C2CD2: variants seen among roughly 807,000 people sequenced by gnomAD.
C2CD2 encodes C2 calcium dependent domain containing 2.
Under a neutral mutation model 74.3 loss-of-function variants are expected in C2CD2, and 43 were observed. That is an observed-to-expected ratio of 0.58 (90% CI 0.45 to 0.75). The LOEUF (loss-of-function observed/expected upper bound fraction) is 0.75. C2CD2 is among the 30% of genes least tolerant of loss of function. C2CD2 has a pLI of 0.00. For synonymous variants in C2CD2, 422 were observed against 390.7 expected (o/e 1.08, Z -0.94); for missense variants, 801 against 916.3 (o/e 0.87, Z 1.63).
rs570125503 is a variant in C2CD2 at position 41,951,686 on chromosome 21, T to G, written c.279+1684A>C. Among the ~76,000 whole-genome samples, 11 of 152,358 alleles carry G rather than the reference T, an allele frequency of 7.2e-5. No individual in the cohort carries two copies. In the South Asian group the frequency reaches 2.1e-3, roughly 29 times the overall value. On this transcript the variant is annotated intron_variant, in intron 1 of 13. Transcript: ENST00000380486. ...AATATTTCTTTCAGTGTTCTCAGAT[T>G]GACTTGACCAGCCTAAGACAGATGC...
rs1382750059 is a variant in C2CD2, at chr21:41,924,376, A to G, written c.379-2291T>C. ...ACCTCAATGCCACAGAGCTAGAAAAAGAAAATCCTGCCTTCTCTCAATATT... is the reference window on the plus strand; with the variant it reads ...ACCTCAATGCCACAGAGCTAGAAAAGGAAAATCCTGCCTTCTCTCAATATT... On this transcript the variant is annotated intron_variant, in intron 2 of 13. Coordinates refer to ENST00000380486, the MANE Select transcript of C2CD2 (RefSeq NM_015500.2). This position sits in a 1 kb window ranked among gnomAD's most constrained non-coding sequence, Gnocchi z 4.4. Among the ~76,000 whole-genome samples the G allele has an allele frequency of 6.6e-6, 1 of 152,244 alleles. No individual in the cohort carries two copies. The highest frequency in any genetic ancestry group is 1.9e-4 in the East Asian group (1 of 5,196).
chr21:41,935,851 A>C (rs1366594101), intron 2 of C2CD2, among the ~76,000 whole-genome samples: 1 of 152,160 alleles, frequency 6.6e-6, no homozygotes, highest in Non-Finnish European at 1.5e-5. Context: ...CTCAAAAAAA[A>C]AGTCCTGACA....
intron 1 of C2CD2, among the ~76,000 whole-genome samples, chr21:41,947,139 T>TCTCTCTCTCTCTCTCTCTCTCA (rs1365076208): frequency 8.2e-6 from 1 of 122,286 alleles, no homozygotes; most frequent in Non-Finnish European, 1.7e-5. Context: ...TCTCTCTCTC[T>TCTCTCTCTCTCTCTCTCTCTCA]CCCTCCCTCC....
chr21:41,946,476 C>T lies in C2CD2; in HGVS notation c.280-4231G>A, dbSNP rs73221452. 4.6e-5 allele frequency among the ~76,000 whole-genome samples: 7 copies of T among 152,098 alleles called. No individual in the cohort carries two copies. In the East Asian group the frequency reaches 5.8e-4, roughly 13 times the overall value. On this transcript the variant is annotated intron_variant, in intron 1 of 13. Transcript: ENST00000380486. ...TTGTTTAAAAGTGTGTAGCACCTCCCGCCTCTTTCTCCCCCTCCTGCTCTG... is the reference window on the plus strand; with the variant it reads ...TTGTTTAAAAGTGTGTAGCACCTCCTGCCTCTTTCTCCCCCTCCTGCTCTG...
rs1217334510 is a variant in C2CD2 at position 41,903,613 on chromosome 21, G to A, written c.1433-1864C>T. Among the ~76,000 whole-genome samples the A allele has an allele frequency of 6.6e-6, 1 of 152,168 alleles. No homozygotes were observed. Among genetic ancestry groups the A allele is most frequent in the Non-Finnish European group, 1.5e-5 (1 of 68,012 alleles). ...GAGAGAAGTGCTGGAGAAAGGAGTT[G>A]GGGAGGACTCCTTAGGAGAAAGCTG... On this transcript the variant is annotated intron_variant, in intron 11 of 13. Coordinates refer to ENST00000380486, the MANE Select transcript of C2CD2 (RefSeq NM_015500.2). This position sits in a 1 kb window ranked among gnomAD's most constrained non-coding sequence, Gnocchi z 4.5.
intron 1 of C2CD2, among the ~76,000 whole-genome samples, chr21:41,949,155 C>T (rs1481731840): frequency 6.6e-6 from 1 of 152,002 alleles, no homozygotes; most frequent in Non-Finnish European, 1.5e-5. Context: ...GGGCAGCCCA[C>T]GGGCAGCGGC....
In C2CD2 at chr21:41,939,097, A is replaced by T. The variant is rs1246648830; in HGVS notation, c.378+3050T>A. Among the ~76,000 whole-genome samples, 1 of 152,118 alleles carries T rather than the reference A, an allele frequency of 6.6e-6. No homozygotes were observed. Among genetic ancestry groups the T allele is most frequent in the Non-Finnish European group, 1.5e-5 (1 of 68,020 alleles). Reference sequence around the variant, plus strand: ...CTATTCCACCGCGTGGACGAGCCACAGTTTATTGATCTATTCGCCCATCAG... The same window carrying T: ...CTATTCCACCGCGTGGACGAGCCACTGTTTATTGATCTATTCGCCCATCAG... On this transcript the variant is annotated intron_variant, in intron 2 of 13. Coordinates refer to ENST00000380486, the MANE Select transcript of C2CD2 (RefSeq NM_015500.2). The surrounding 1 kb of genome is among the most constrained non-coding windows in gnomAD (Gnocchi z 5.5).
rs2065207780 is a variant in C2CD2, at chr21:41,926,054, G to C, written c.379-3969C>G. Among the ~76,000 whole-genome samples the C allele has an allele frequency of 6.6e-6, 1 of 152,160 alleles. No homozygotes were observed. Among genetic ancestry groups the C allele is most frequent in the Non-Finnish European group, 1.5e-5 (1 of 68,036 alleles). On this transcript the variant is annotated intron_variant, in intron 2 of 13. Transcript: ENST00000380486. The surrounding 1 kb of genome is among the most constrained non-coding windows in gnomAD (Gnocchi z 8.0). ...ATACAGGATTTTAAAAAGTTAAATA[G>C]AAGCAATTATTTGGCATAGGCGGCA... is the stretch of plus-strand genomic sequence containing the variant.
chr21:41,917,482 C>T (rs2065105658), intron 5 of C2CD2, among the ~76,000 whole-genome samples: 1 of 152,172 alleles, frequency 6.6e-6, no homozygotes, highest in Middle Eastern at 3.2e-3. Flanking sequence ...GAGAACTCAC[C>T]TTAAACAAAG....
intron 2 of C2CD2, among the ~76,000 whole-genome samples, chr21:41,940,123 A>T (rs1478673416): frequency 6.6e-6 from 1 of 152,244 alleles, no homozygotes; most frequent in Non-Finnish European, 1.5e-5. Flanking sequence ...ATCCAAAAAA[A>T]GATCTGATAC....
chr21:41,936,858 T>G (rs1452635586), intron 2 of C2CD2, among the ~76,000 whole-genome samples: 2 of 144,402 alleles, frequency 1.4e-5, no homozygotes, highest in Non-Finnish European at 3.0e-5. Flanking sequence ...CTTGCTCTGT[T>G]GCCAGGCTGG....
rs1003391549 is a variant in C2CD2 at position 41,899,754 on chromosome 21, T to A, written c.1561-392A>T. ...GCCGTGGGTGTTTCGGGTTTAGCTG[T>A]CTTTGTTCCTACACGTTTATGTTAC... On this transcript the variant is annotated intron_variant, in intron 12 of 13. Transcript: ENST00000380486. This position sits in a 1 kb window ranked among gnomAD's most constrained non-coding sequence, Gnocchi z 4.4. 1.3e-5 allele frequency among the ~76,000 whole-genome samples: 2 copies of A among 152,268 alleles called. No homozygotes were observed. Among genetic ancestry groups the A allele is most frequent in the East Asian group, 1.9e-4 (1 of 5,180 alleles).
At position 41,903,664 on chromosome 21, in the gene C2CD2, G is replaced by A. The variant is rs1349079204; in HGVS notation, c.1433-1915C>T. On this transcript the variant is annotated intron_variant, in intron 11 of 13. Transcript: ENST00000380486. The surrounding 1 kb of genome is among the most constrained non-coding windows in gnomAD (Gnocchi z 4.5). Reference sequence around the variant, plus strand: ...TGCTGTAATTCCCAAAGCCACCAAGGGAGACGTGTCGGGAGCACGTCCTCC... The same window carrying A: ...TGCTGTAATTCCCAAAGCCACCAAGAGAGACGTGTCGGGAGCACGTCCTCC... 2.6e-5 allele frequency among the ~76,000 whole-genome samples: 4 copies of A among 152,276 alleles called. No individual in the cohort carries two copies. The highest frequency in any genetic ancestry group is 3.4e-3 in the Middle Eastern group (1 of 294).
intron 7 of C2CD2, among the ~76,000 whole-genome samples, 162 bp from the exon 8 acceptor site, chr21:41,909,685 C>T (rs115764762): frequency 0.011 from 1,731 of 152,160 alleles, 12 homozygotes; most frequent in African/African-American, 0.022. Flanking sequence ...TATCTGCAAC[C>T]TCCCCATTCG....
chr21:41,953,795 G>C lies in C2CD2; in HGVS notation c.-147C>G, dbSNP rs2065471120. The C allele has an allele frequency of 1.5e-6, 1 of 680,028 alleles. No homozygotes were observed. The allele number at this position is 680,028 out of a possible 1,614,324, so 42.1% of individuals were successfully genotyped here. A position where few individuals can be genotyped will look rare whatever the true frequency, so the allele number is the denominator to read the frequency against. ...TCGGAGCCCGGCGAGGAGCGTGGCC[G>C]GGGGCCTCTGGGCGGGCAAGCGGGG... On this transcript the variant is annotated 5_prime_UTR_variant, in exon 1 of 14. Transcript: ENST00000380486.
intron 3 of C2CD2, among the ~76,000 whole-genome samples, chr21:41,919,248 CTG>C (rs965754494): frequency 1.8e-4 from 27 of 152,128 alleles, no homozygotes; most frequent in African/African-American, 6.3e-4. Context: ...GCACGTGTGC[CTG>C]TGTGTATGTG....
At chr21:41,938,984 C>T (rs1026539311) in intron 2 of C2CD2, among the ~76,000 whole-genome samples, 26 of 152,130 alleles carry the variant, frequency 1.7e-4, no homozygotes, top group Admixed American at 8.5e-4. Flanking sequence ...CCTCATGATC[C>T]GCCCACCTTG....
chr21:41,942,715 C>T (rs553610118), intron 1 of C2CD2, among the ~76,000 whole-genome samples: 156 of 152,298 alleles, frequency 1.0e-3, no homozygotes, highest in African/African-American at 3.5e-3. Flanking sequence ...AGGCACCTCT[C>T]CTGTTGCGTG....
intron 11 of C2CD2, among the ~76,000 whole-genome samples, 163 bp downstream of exon 11, chr21:41,905,561 A>G (rs1039708822): frequency 2.6e-5 from 4 of 151,716 alleles, no homozygotes; most frequent in African/African-American, 4.8e-5. Flanking sequence ...CAAGTGATCC[A>G]CCCGCCTCAG....
Sources: gnomAD v4.1 joint callset for allele counts (sites outside exome capture counted in the v4.1 genomes callset) on GRCh38, gnomAD v4.1.1 for gene constraint, Gnocchi (gnomAD v3.1) non-coding constraint, MANE v1.5 for transcripts, NCBI Gene and HGNC (gene_info 2026-07-23, HGNC 2026-07-21) for gene names.